GALNT11: variants seen among roughly 807,000 people sequenced by gnomAD.
GALNT11 encodes UDP-GalNAc:polypeptide N-acetylgalactosaminyltransferase 11.
Under a neutral mutation model 72.7 loss-of-function variants are expected in GALNT11, and 47 were observed. That is an observed-to-expected ratio of 0.65 (90% CI 0.51 to 0.82). The LOEUF is 0.82. Among genes scored for constraint, GALNT11 ranks in the 40% least tolerant of loss-of-function variants. GALNT11 has a pLI of 0.00. For synonymous variants in GALNT11, 270 were observed against 286.6 expected, an observed-to-expected ratio of 0.94 and a Z score of 0.58; for missense variants, 677 against 778.4, an observed-to-expected ratio of 0.87 and a Z score of 1.55.
intron 1 of GALNT11, among the ~76,000 whole-genome samples, chr7:152,071,721 A>G (rs563679375): frequency 1.6e-4 from 24 of 152,348 alleles, no homozygotes; most frequent in African/African-American, 5.5e-4. Context: ...GACAGGCATA[A>G]GAAATTATAA....
intron 5 of GALNT11, among the ~76,000 whole-genome samples, chr7:152,106,425 C>T (rs972752463): frequency 6.6e-6 from 1 of 152,130 alleles, no homozygotes; most frequent in Non-Finnish European, 1.5e-5. Context: ...TTCTCTGAAG[C>T]CCACAGTGAC....
chr7:152,056,848 T>C (rs1315043963), intron 1 of GALNT11, among the ~76,000 whole-genome samples: 1 of 151,868 alleles, frequency 6.6e-6, no homozygotes, highest in African/African-American at 2.4e-5. Context: ...TACTTTTTTT[T>C]TTTTTGAGAC....
At chr7:152,025,908 C>T (rs2081982146) in intron 1 of GALNT11, 24 bp downstream of exon 1, 1 of 224,406 alleles carries the variant, frequency 4.5e-6, no homozygotes, top group Non-Finnish European at 9.7e-6. Context: ...AGGCGGCGGC[C>T]TCCCGGCGTC....
chr7:152,050,437 G>A (rs2083338925), intron 1 of GALNT11, among the ~76,000 whole-genome samples: 2 of 152,232 alleles, frequency 1.3e-5, no homozygotes, highest in South Asian at 2.1e-4. Flanking sequence ...GGTCTGGAAT[G>A]GGAGCTTCAG....
At chr7:152,102,656 T>TA (rs969828359) in intron 3 of GALNT11, among the ~76,000 whole-genome samples, 5 of 151,990 alleles carry the variant, frequency 3.3e-5, no homozygotes, top group South Asian at 4.2e-4. Flanking sequence ...TAAATGCTTT[T>TA]AAAAAAAATT....
chr7:152,059,380 G>C (rs1296189120), intron 1 of GALNT11, among the ~76,000 whole-genome samples: 1 of 152,060 alleles, frequency 6.6e-6, no homozygotes, highest in Non-Finnish European at 1.5e-5. Context: ...GGGATTACAG[G>C]CATGAGACAC....
chr7:152,070,923 G>GCCCA (rs2084600401), intron 1 of GALNT11, among the ~76,000 whole-genome samples: 1 of 152,108 alleles, frequency 6.6e-6, no homozygotes, highest in Non-Finnish European at 1.5e-5. Context: ...GTTCCGTGAT[G>GCCCA]CCCAACAAGC....
intron 1 of GALNT11, among the ~76,000 whole-genome samples, chr7:152,038,478 T>A (rs571915905): frequency 2.0e-5 from 3 of 152,342 alleles, no homozygotes; most frequent in African/African-American, 4.8e-5. Context: ...AGGTGTTCCT[T>A]GCCCTCATTC....
intron 1 of GALNT11, among the ~76,000 whole-genome samples, chr7:152,071,765 G>A (rs887374536): frequency 4.9e-4 from 75 of 152,278 alleles, no homozygotes; most frequent in African/African-American, 1.7e-3. Context: ...AAATGTCCAT[G>A]AAATCTTCAC....
intron 1 of GALNT11, among the ~76,000 whole-genome samples, chr7:152,036,952 C>G (rs948214204): frequency 6.6e-6 from 1 of 152,154 alleles, no homozygotes; most frequent in African/African-American, 2.4e-5. Context: ...TTTCCTATAG[C>G]ATTGTTTGAG....
At chr7:152,104,919 A>G (rs568360499) in intron 4 of GALNT11, 28 of 163,818 alleles carry the variant, frequency 1.7e-4, no homozygotes, top group African/African-American at 5.7e-4. Flanking sequence ...TGTGATTTAT[A>G]TATGGTCAGC....
At chr7:152,073,299 T>G (rs551655510) in intron 1 of GALNT11, among the ~76,000 whole-genome samples, 2 of 152,252 alleles carry the variant, frequency 1.3e-5, no homozygotes, top group South Asian at 2.1e-4. Context: ...TCTTCCTATC[T>G]CCTCCCTTCG....
At chr7:152,065,007 T>G (rs2084226101) in intron 1 of GALNT11, among the ~76,000 whole-genome samples, 1 of 152,224 alleles carries the variant, frequency 6.6e-6, no homozygotes, top group Non-Finnish European at 1.5e-5. Context: ...CCTGCCTTGC[T>G]AGGTTGGGGA....
At chr7:152,071,182 T>C (rs951508064) in intron 1 of GALNT11, among the ~76,000 whole-genome samples, 1 of 152,372 alleles carries the variant, frequency 6.6e-6, no homozygotes, top group Non-Finnish European at 1.5e-5. Context: ...CTGACCAAAA[T>C]TTATTAGGCA....
chr7:152,046,473 G>C (rs1335697447), intron 1 of GALNT11, among the ~76,000 whole-genome samples: 1 of 152,052 alleles, frequency 6.6e-6, no homozygotes, highest in East Asian at 1.9e-4. Context: ...TTATGTATCT[G>C]GGTGCTCTAG....
chr7:152,075,903 T>A (rs1424138114), intron 1 of GALNT11, among the ~76,000 whole-genome samples: 2 of 150,252 alleles, frequency 1.3e-5, no homozygotes, highest in East Asian at 3.9e-4. Context: ...CTACTAAAAA[T>A]ACAAAAAAAT....
intron 10 of GALNT11, chr7:152,119,057 CT>C (rs2089174532): frequency 3.9e-6 from 1 of 258,040 alleles, no homozygotes; most frequent in Admixed American, 5.5e-5. Context: ...TAGATGACAC[CT>C]CAGTCAGCTA....
chr7:152,095,775 ACT>A lies in GALNT11; in HGVS notation c.295+1256_295+1257del, dbSNP rs758576322. Reference sequence around the variant, plus strand: ...ATACTGAGTTTACCATTTTGAATAGACTCTGTATTTGCTTTTGAAAGAAGTAG... The same window carrying A: ...ATACTGAGTTTACCATTTTGAATAGACTGTATTTGCTTTTGAAAGAAGTAG... On this transcript the variant is annotated intron_variant, in intron 2 of 11. Coordinates refer to ENST00000430044, the MANE Select transcript of GALNT11 (RefSeq NM_022087.4). Among the ~76,000 whole-genome samples, 4 of 152,166 alleles carry A rather than the reference ACT, an allele frequency of 2.6e-5. No homozygotes were observed. In the East Asian group the frequency reaches 5.8e-4, roughly 22 times the overall value.
At chr7:152,101,815 G>C (rs1194137257) in intron 3 of GALNT11, among the ~76,000 whole-genome samples, 3 of 152,006 alleles carry the variant, frequency 2.0e-5, no homozygotes, top group African/African-American at 7.3e-5. Context: ...TATAGTTTTA[G>C]TAGAGATAGG....
Sources: allele counts gnomAD v4.1 joint callset (sites outside exome capture counted in the v4.1 genomes callset), GRCh38; gene constraint gnomAD v4.1.1; transcripts MANE v1.5; gene names NCBI Gene and HGNC (gene_info 2026-07-23, HGNC 2026-07-21).